Variants in ZNF48 observed in about 807,000 individuals in gnomAD.
ZNF48 encodes zinc finger protein 48.
Under a neutral mutation model 40.0 loss-of-function variants are expected in ZNF48, and 20 were observed. That is an observed-to-expected ratio of 0.50 (90% CI 0.35 to 0.73). The LOEUF (loss-of-function observed/expected upper bound fraction) is 0.73. Among genes scored for constraint, ZNF48 ranks in the 30% least tolerant of loss-of-function variants. The probability of loss-of-function intolerance (pLI) is 0.01; values close to 1 mark genes in which losing one functional copy is unlikely to be tolerated. For synonymous variants in ZNF48, 298 were observed against 329.7 expected (o/e 0.90, Z 1.04); for missense variants, 726 against 851.9 (o/e 0.85, Z 1.84).
At position 30,381,569 on chromosome 16, in the gene ZNF48, G is replaced by A; in HGVS notation, c.-16+3159G>A. ...TGTGGGAGTAGAATGTCATTTCTTT[G>A]GCTCCCTCCAAAGACATTAAGGGGA... On this transcript the variant is annotated intron_variant, in intron 1 of 2. Transcript: ENST00000528032. This position sits in a 1 kb window ranked among gnomAD's most constrained non-coding sequence, Gnocchi z 4.3. The A allele has an allele frequency of 3.9e-6, 6 of 1,531,164 alleles. No individual in the cohort carries two copies. Among genetic ancestry groups the A allele is most frequent in the Non-Finnish European group, 5.4e-6 (6 of 1,115,864 alleles). 94.8% of individuals were successfully genotyped at this position (1,531,164 alleles called of 1,614,324 possible).
chr16:30,390,615 T>G (rs1407140127), upstream of ZNF48, among the ~76,000 whole-genome samples: 910 of 58,096 alleles, frequency 0.016, 65 homozygotes, highest in African/African-American at 0.034. Flanking sequence ...TTTTTTTTTT[T>G]TTTTTTTTTT....
In ZNF48 at chr16:30,381,752, T is replaced by C. The variant is rs1444694337; in HGVS notation, c.-16+3342T>C. On this transcript the variant is annotated intron_variant, in intron 1 of 2. Transcript: ENST00000528032. The surrounding 1 kb of genome is among the most constrained non-coding windows in gnomAD (Gnocchi z 4.3). ...GGCTGAGCCTCTGTCCCCTTTCCTC[T>C]TCCTCACCAGTCAGAGCAGTCCACT... 6.2e-7 allele frequency: 1 copy of C among 1,613,722 alleles called. No homozygotes were observed. Among genetic ancestry groups the C allele is most frequent in the Admixed American group, 1.7e-5 (1 of 59,928 alleles).
rs1315773671 is a variant in ZNF48, at chr16:30,378,547, G to C, written c.-16+137G>C. Reference sequence around the variant, plus strand: ...TGTGCAGGGCGAGATTGCAGGCGGTGACCTGGCGAAGCCAGAGGGGGACCT... The same window carrying C: ...TGTGCAGGGCGAGATTGCAGGCGGTCACCTGGCGAAGCCAGAGGGGGACCT... On this transcript the variant is annotated intron_variant, in intron 1 of 2. Coordinates refer to the ZNF48 transcript ENST00000528032. The C allele has an allele frequency of 3.1e-6, 5 of 1,601,866 alleles. No individual in the cohort carries two copies. In the Admixed American group the frequency reaches 6.9e-5, roughly 22 times the overall value.
upstream of ZNF48, among the ~76,000 whole-genome samples, chr16:30,391,801 G>C (rs1047695204): frequency 8.4e-6 from 1 of 118,682 alleles, no homozygotes; most frequent in African/African-American, 3.2e-5. Context: ...CCAGCCTAAG[G>C]TTTTCTTTCT....
chr16:30,378,665 A>C (rs1567422414), intron 1 of ZNF48: 2 of 1,609,528 alleles, frequency 1.2e-6, no homozygotes, highest in Non-Finnish European at 1.7e-6. Context: ...CAGCATGGGC[A>C]GCGGGATCTC....
At position 30,398,634 on chromosome 16, in the gene ZNF48, C is replaced by T. The variant is rs1258488644; in HGVS notation, c.1384C>T (p.Arg462Ter). Reference sequence around the variant, plus strand: ...CCCTGAGTGTGGCAAGGGCTTCCGCCGAAGCTCTGACCTGGTGAAACACCA... The same window carrying T: ...CCCTGAGTGTGGCAAGGGCTTCCGCTGAAGCTCTGACCTGGTGAAACACCA... ...KCPECGKGFR[R>*]SSDLVKHHRV... The change falls in exon 3 of 3, where the codon CGA (arginine) becomes TGA (stop). Residue 462 changes from arginine (R) to a stop codon, truncating the protein, a stop_gained. Transcript: ENST00000613509. LOFTEE classifies it high-confidence loss of function. The surrounding 1 kb of genome is among the most constrained non-coding windows in gnomAD (Gnocchi z 6.6). 1.9e-6 allele frequency: 3 copies of T among 1,612,636 alleles called. No homozygotes were observed. Among genetic ancestry groups the T allele is most frequent in the Admixed American group, 1.7e-5 (1 of 59,950 alleles).
Position 30,381,719 on chromosome 16 carries a change from C to CT in ZNF48, c.-16+3310dup. ...CCTGTAACTCTCCAGGGAGTCGCCA[C>CT]TGTGAAAGGCTGAGCCTCTGTCCCC... On this transcript the variant is annotated intron_variant, in intron 1 of 2. Coordinates refer to the ZNF48 transcript ENST00000528032. The surrounding 1 kb of genome is among the most constrained non-coding windows in gnomAD (Gnocchi z 4.3). 1.9e-6 allele frequency: 3 copies of CT among 1,609,014 alleles called. No homozygotes were observed. Among genetic ancestry groups the CT allele is most frequent in the Non-Finnish European group, 2.5e-6 (3 of 1,177,654 alleles).
At chr16:30,380,013 T>C (rs375413386) in intron 1 of ZNF48, 50 of 1,612,046 alleles carry the variant, frequency 3.1e-5, no homozygotes, top group Non-Finnish European at 4.1e-5. Flanking sequence ...GGATCTCCTC[T>C]TCCTTCAACT....
intron 1 of ZNF48, chr16:30,379,276 A>G (rs1221152624): frequency 3.2e-5 from 49 of 1,532,244 alleles, no homozygotes; most frequent in African/African-American, 5.5e-5. Flanking sequence ...TCCTGCTGCC[A>G]CTCTAGCGGA....
In ZNF48 at chr16:30,399,411, A is replaced by C; in HGVS notation, c.*304A>C. ...CTTTCACCTAAGGACTCAACCCTAA[A>C]TTCCTGCTGCCTCATCTGTTAAGAA... On this transcript the variant is annotated 3_prime_UTR_variant, in exon 3 of 3. Coordinates refer to ENST00000613509, the MANE Select transcript of ZNF48 (RefSeq NM_001214909.2). 1 of 265,432 alleles carries C rather than the reference A, an allele frequency of 3.8e-6. No homozygotes were observed. The highest frequency in any genetic ancestry group is 7.2e-6 in the Non-Finnish European group (1 of 139,124). The allele number at this position is 265,432 out of a possible 1,614,324, so 16.4% of individuals were successfully genotyped here. A position where few individuals can be genotyped will look rare whatever the true frequency, so the allele number is the denominator to read the frequency against.
At chr16:30,387,594 C>T (rs1262569592) in intron 1 of ZNF48, among the ~76,000 whole-genome samples, 1 of 150,202 alleles carries the variant, frequency 6.7e-6, no homozygotes, top group African/African-American at 2.4e-5. Context: ...GAGTTTTCCT[C>T]GTCACCCAGG....
In ZNF48 at chr16:30,397,258, C is replaced by A; in HGVS notation, c.80-72C>A. The A allele has an allele frequency of 7.2e-7, 1 of 1,389,386 alleles. No individual in the cohort carries two copies. The highest frequency in any genetic ancestry group is 9.9e-7 in the Non-Finnish European group (1 of 1,014,292). 86.1% of individuals were successfully genotyped at this position (1,389,386 alleles called of 1,614,324 possible). ...ACCACAGATTGTCAAGGGAGTCTTC[C>A]TGGAGAGGTTGCTGTCAAAGATAAG... On this transcript the variant is annotated intron_variant, in intron 2 of 2. Coordinates refer to ENST00000613509, the MANE Select transcript of ZNF48 (RefSeq NM_001214909.2). This position sits in a 1 kb window ranked among gnomAD's most constrained non-coding sequence, Gnocchi z 4.1.
intron 1 of ZNF48, among the ~76,000 whole-genome samples, chr16:30,383,184 T>C (rs556931866): frequency 6.6e-6 from 1 of 151,986 alleles, no homozygotes; most frequent in African/African-American, 2.4e-5. Context: ...CCTGTTTCTT[T>C]TTCTTTCTTT....
chr16:30,385,009 T>G (rs1597011850), intron 1 of ZNF48, among the ~76,000 whole-genome samples: 1 of 151,780 alleles, frequency 6.6e-6, no homozygotes, highest in East Asian at 1.9e-4. Flanking sequence ...AAACCCTGAC[T>G]CTACTAAAAA....
At chr16:30,385,982 G>A (rs1218380180) in intron 1 of ZNF48, among the ~76,000 whole-genome samples, 1 of 151,976 alleles carries the variant, frequency 6.6e-6, no homozygotes, top group Admixed American at 6.6e-5. Flanking sequence ...AAATAAAAAA[G>A]AGGATAACAT....
In ZNF48 at chr16:30,382,491, C is replaced by T. The variant is rs1161318199; in HGVS notation, c.-16+4081C>T. The T allele has an allele frequency of 7.5e-6, 12 of 1,595,574 alleles. No homozygotes were observed. Among genetic ancestry groups the T allele is most frequent in the Admixed American group, 3.5e-5 (2 of 57,160 alleles). ...GACCCCAGGCATGGGGGCTGGGGGC[C>T]GAGATGCCCAGGTTTCTGGGTGTAA... On this transcript the variant is annotated intron_variant, in intron 1 of 2. Coordinates refer to the ZNF48 transcript ENST00000528032. This position sits in a 1 kb window ranked among gnomAD's most constrained non-coding sequence, Gnocchi z 4.8.
At position 30,382,833 on chromosome 16, in the gene ZNF48, C is replaced by T. The variant is rs1185143249; in HGVS notation, c.-16+4423C>T. On this transcript the variant is annotated intron_variant, in intron 1 of 2. Transcript: ENST00000528032. This position sits in a 1 kb window ranked among gnomAD's most constrained non-coding sequence, Gnocchi z 4.8. Reference sequence around the variant, plus strand: ...GTATGTGCAGAGAGGAAGGAAGTGGCTCCCTTTGTTAGCAGGGGAGATGAA... The same window carrying T: ...GTATGTGCAGAGAGGAAGGAAGTGGTTCCCTTTGTTAGCAGGGGAGATGAA... 2 of 1,510,488 alleles carry T rather than the reference C, an allele frequency of 1.3e-6. No individual in the cohort carries two copies. Among genetic ancestry groups the T allele is most frequent in the Non-Finnish European group, 1.8e-6 (2 of 1,123,850 alleles). The allele number at this position is 1,510,488 out of a possible 1,614,324, so 93.6% of individuals were successfully genotyped here.
intron 1 of ZNF48, chr16:30,380,830 G>T: frequency 2.2e-6 from 1 of 449,866 alleles, no homozygotes; most frequent in South Asian, 2.4e-5. Flanking sequence ...GTGGGAAAGG[G>T]CTCTGAAGAC....
chr16:30,387,567 A>C (rs1006509704), intron 1 of ZNF48, among the ~76,000 whole-genome samples: 5 of 149,668 alleles, frequency 3.3e-5, no homozygotes, highest in Non-Finnish European at 7.4e-5. Context: ...AAAACAAAAC[A>C]AAACCAAAAA....
Sources: allele counts gnomAD v4.1 joint callset (sites outside exome capture counted in the v4.1 genomes callset), GRCh38; gene constraint gnomAD v4.1.1; non-coding constraint Gnocchi (gnomAD v3.1); transcripts MANE v1.5; gene names NCBI Gene and HGNC (gene_info 2026-07-23, HGNC 2026-07-21).